KIF1A: variants seen among roughly 807,000 people sequenced by gnomAD.
KIF1A encodes the protein kinesin family member 1A, also known as kinesin-like protein KIF1A.
In KIF1A, 46 loss-of-function variants were observed where a neutral mutation model predicts 227.3. The ratio of observed to expected loss-of-function variants is 0.20; its 90% CI spans 0.16 to 0.26. The LOEUF is 0.26. Among genes scored for constraint, KIF1A ranks in the 10% least tolerant of loss-of-function variants. The pLI is 1.00. For missense variants in KIF1A, 1,683 were observed against 2,485.9 expected (o/e 0.68, Z 6.87); for synonymous variants, 1,022 against 1,012.8 (o/e 1.01, Z -0.17).
At chr2:240,748,986 T>C (rs552052814) in intron 28 of KIF1A, among the ~76,000 whole-genome samples, 2 of 152,194 alleles carry the variant, frequency 1.3e-5, no homozygotes, top group Non-Finnish European at 2.9e-5. Context: ...CTGGGCGTGA[T>C]GACGCACCCC....
In KIF1A at chr2:240,725,543, AC is replaced by A; in HGVS notation, c.4123-140del. The A allele has an allele frequency of 9.1e-6, 8 of 879,108 alleles. No homozygotes were observed. The highest frequency in any genetic ancestry group is 1.4e-5 in the Non-Finnish European group (8 of 588,030). 54.5% of individuals were successfully genotyped at this position (879,108 alleles called of 1,614,324 possible). On this transcript the variant is annotated intron_variant, in intron 39 of 48. Transcript: ENST00000498729. This position sits in a 1 kb window ranked among gnomAD's most constrained non-coding sequence, Gnocchi z 5.8. ...TCCCAGGGCCTCAGGTGTGGCCTGG[AC>A]GCAGGCAGGAGAAAGTCTCTGCTCC...
intron 45 of KIF1A, chr2:240,720,186 C>T (rs1166162205): frequency 3.1e-5 from 12 of 382,760 alleles, no homozygotes; most frequent in African/African-American, 1.7e-4. Context: ...GCCTGTGCCC[C>T]ACTCCACGCC....
At chr2:240,734,644 C>A in intron 38 of KIF1A, 2 of 1,111,944 alleles carry the variant, frequency 1.8e-6, no homozygotes, top group Non-Finnish European at 2.5e-6. Context: ...GCATGGGGGG[C>A]GGTCAGGGGA....
rs1218505717 is a variant in KIF1A, at chr2:240,739,191, A to G, written c.3901+867T>C. On this transcript the variant is annotated intron_variant, in intron 37 of 48. Transcript: ENST00000498729. This position sits in a 1 kb window ranked among gnomAD's most constrained non-coding sequence, Gnocchi z 5.6. ...CTCAGGGAAGTGACCTTGAGCAGCC[A>G]CCCAGCCCGGCCATGGCAATGTCTG... Among the ~76,000 whole-genome samples, 1 of 152,192 alleles carries G rather than the reference A, an allele frequency of 6.6e-6. No individual in the cohort carries two copies. The highest frequency in any genetic ancestry group is 1.5e-5 in the Non-Finnish European group (1 of 68,038).
intron 15 of KIF1A, 33 bp from the exon 16 acceptor site, chr2:240,769,739 G>T (rs749944716): frequency 6.3e-7 from 1 of 1,575,354 alleles, no homozygotes; most frequent in Non-Finnish European, 8.7e-7. Flanking sequence ...GTGAGCTGCC[G>T]GGGCTAGGGC....
chr2:240,745,602 G>A (rs1001263885), intron 31 of KIF1A, 85 bp from the exon 32 acceptor site: 163 of 1,470,576 alleles, frequency 1.1e-4, no homozygotes, highest in Admixed American at 1.7e-4. Flanking sequence ...ACACGAGGGC[G>A]CTGGGGCGTT....
chr2:240,722,492 C>T lies in KIF1A; in HGVS notation c.4629G>A (p.Glu1543=). 6.5e-7 allele frequency: 1 copy of T among 1,547,776 alleles called. No homozygotes were observed. The highest frequency in any genetic ancestry group is 8.7e-7 in the Non-Finnish European group (1 of 1,146,828). ...GCTCCCGCTGCCTCTCGTTGGGAGC[C>T]TCCAGGGGTGATGGGCGGCCCTCAG... ...LSAEGRPSPL[E]APNERQRELA... Residue 1543 remains glutamate (E), a synonymous_variant, in exon 43 of 49, where the codon GAG becomes GAA. Transcript: ENST00000498729.
At chr2:240,779,346 ACACTCAGTTCCT>A (rs796106218) in intron 10 of KIF1A, among the ~76,000 whole-genome samples, 20 of 138,186 alleles carry the variant, frequency 1.4e-4, no homozygotes, top group South Asian at 8.9e-4. Flanking sequence ...TCATAGTTCC[ACACTCAGTTCCT>A]CACTCAGTTC....
chr2:240,768,094 C>T (rs1056525898), intron 17 of KIF1A, among the ~76,000 whole-genome samples: 3 of 152,310 alleles, frequency 2.0e-5, no homozygotes, highest in African/African-American at 7.2e-5. Context: ...GGCCTGTGCA[C>T]GTCTCGTGAT....
chr2:240,787,267 ATGT>A lies in KIF1A; in HGVS notation c.410_412del (p.Asn137del), dbSNP rs2055060513. 1 of 1,612,894 alleles carries A rather than the reference ATGT, an allele frequency of 6.2e-7. No homozygotes were observed. Among genetic ancestry groups the A allele is most frequent in the South Asian group, 1.1e-5 (1 of 91,074 alleles). On this transcript the variant is annotated inframe_deletion, in exon 5 of 49. Transcript: ENST00000498729. Reference sequence around the variant, plus strand: ...GAGCCCTACCTCCACGGAGTAGGACATGTTGTCGTTGGTCGTGTCGTTGATCCG... The same window carrying A: ...GAGCCCTACCTCCACGGAGTAGGACATGTCGTTGGTCGTGTCGTTGATCCG...
rs367916394 is a variant in KIF1A, at chr2:240,801,746, C to T, written c.-60-3934G>A. Reference sequence around the variant, plus strand: ...GAGACACCCCTCAGCCCCTCCACCACGTGAGAGCAGGGCAAGAAGGCGTCT... The same window carrying T: ...GAGACACCCCTCAGCCCCTCCACCATGTGAGAGCAGGGCAAGAAGGCGTCT... On this transcript the variant is annotated intron_variant, in intron 1 of 48. Transcript: ENST00000498729. 9.9e-5 allele frequency among the ~76,000 whole-genome samples: 15 copies of T among 152,170 alleles called. No homozygotes were observed. The East Asian group carries it at 1.9e-3, about 20-fold the overall frequency.
At chr2:240,720,265 A>C in intron 45 of KIF1A, 3 of 211,360 alleles carry the variant, frequency 1.4e-5, no homozygotes, top group East Asian at 1.0e-4. Flanking sequence ...CTTCATCTCC[A>C]CAACTAGACT....
rs2055192478 is a variant in KIF1A, at chr2:240,788,204, C to T, written c.210G>A (p.Gln70=). The part of the protein sequence containing the change: ...TSPEDINYAS[Q]KQVYRDIGEE... Reference sequence around the variant, plus strand: ...CGCCGATGTCCCGGTACACCTGCTTCTGCGACGCGTAGTTGATGTCCTCAG... The same window carrying T: ...CGCCGATGTCCCGGTACACCTGCTTTTGCGACGCGTAGTTGATGTCCTCAG... The change falls in exon 4 of 49, where the codon CAG becomes CAA. Residue 70 remains glutamine (Q), a synonymous_variant. Transcript: ENST00000498729. This position sits in a 1 kb window ranked among gnomAD's most constrained non-coding sequence, Gnocchi z 6.6. The T allele has an allele frequency of 1.9e-6, 3 of 1,613,896 alleles. No individual in the cohort carries two copies. The highest frequency in any genetic ancestry group is 2.5e-6 in the Non-Finnish European group (3 of 1,179,884).
chr2:240,735,625 C>A (rs2047223534), intron 38 of KIF1A, among the ~76,000 whole-genome samples: 1 of 152,220 alleles, frequency 6.6e-6, no homozygotes, highest in South Asian at 2.1e-4. Flanking sequence ...GGGCCCCACC[C>A]CCTACTCCAA....
rs1290016793 is a variant in KIF1A, at chr2:240,783,751, G to C, written c.786C>G (p.Gly262=). The C allele has an allele frequency of 6.3e-7, 1 of 1,576,694 alleles. No homozygotes were observed. Among genetic ancestry groups the C allele is most frequent in the Non-Finnish European group, 8.6e-7 (1 of 1,161,250 alleles). The change falls in exon 8 of 49, where the codon GGC becomes GGG. Residue 262 remains glycine (G), a synonymous_variant. Coordinates refer to ENST00000498729, the MANE Select transcript of KIF1A (RefSeq NM_001244008.2). ...SERADSTGAK[G]TRLKEGANIN... is the part of the protein sequence containing the mutation. ...GCCTGGCCCCTACCTTGAGGCGCGTGCCCTTGGCTCCCGTGGAGTCAGCCC... is the reference window on the plus strand; with the variant it reads ...GCCTGGCCCCTACCTTGAGGCGCGTCCCCTTGGCTCCCGTGGAGTCAGCCC...
Position 240,740,232 on chromosome 2 carries a change from A to G in KIF1A, c.3816+66T>C. Reference sequence around the variant, plus strand: ...GGACACAGGCAGGGTAGGGGCAGGGAGAGGCTCACACCTGGTGGGGTGGGG... The same window carrying G: ...GGACACAGGCAGGGTAGGGGCAGGGGGAGGCTCACACCTGGTGGGGTGGGG... On this transcript the variant is annotated intron_variant, in intron 36 of 48. Coordinates refer to ENST00000498729, the MANE Select transcript of KIF1A (RefSeq NM_001244008.2). This position sits in a 1 kb window ranked among gnomAD's most constrained non-coding sequence, Gnocchi z 6.1. 1 of 1,526,280 alleles carries G rather than the reference A, an allele frequency of 6.6e-7. No individual in the cohort carries two copies. Among genetic ancestry groups the G allele is most frequent in the South Asian group, 1.1e-5 (1 of 87,990 alleles). 94.5% of individuals were successfully genotyped at this position (1,526,280 alleles called of 1,614,324 possible). A position where few individuals can be genotyped will look rare whatever the true frequency, so the allele number is the denominator to read the frequency against.
intron 20 of KIF1A, 41 bp downstream of exon 20, chr2:240,765,669 C>A (rs570999069): frequency 6.7e-7 from 1 of 1,499,506 alleles, no homozygotes; most frequent in East Asian, 2.3e-5. Context: ...TCGCCTCATG[C>A]CTCTGCCTAC....
chr2:240,716,850 G>GCTGTCCCTGCCCTGC lies in KIF1A; in HGVS notation c.*499_*513dup, dbSNP rs1387988166. The GCTGTCCCTGCCCTGC allele has an allele frequency of 6.5e-6, 1 of 153,320 alleles. No individual in the cohort carries two copies. The highest frequency in any genetic ancestry group is 1.9e-4 in the East Asian group (1 of 5,336). The allele number at this position is 153,320 out of a possible 1,614,324, so 9.5% of individuals were successfully genotyped here. On this transcript the variant is annotated 3_prime_UTR_variant, in exon 49 of 49. Transcript: ENST00000498729. ...CTCCTCACTGCGGCCTTCCAAGGTGGCTGTCCCTGCCCTGCCTGTCCCTAG... is the reference window on the plus strand; with the variant it reads ...CTCCTCACTGCGGCCTTCCAAGGTGGCTGTCCCTGCCCTGCCTGTCCCTGCCCTGCCTGTCCCTAG...
rs1254998124 is a variant in KIF1A at position 240,720,932 on chromosome 2, T to C, written c.4850A>G (p.Tyr1617Cys). 6.9e-6 allele frequency: 11 copies of C among 1,583,170 alleles called. No individual in the cohort carries two copies. The highest frequency in any genetic ancestry group is 9.4e-6 in the Non-Finnish European group (11 of 1,164,644). ...CACTCACCTCAGGTCAGTGGCACCG[T>C]ACCGCCCTTCAACCAGAGAGGGGCA... The part of the protein sequence containing the change: ...STCPSLVEGR[Y>C]GATDLRTPQP... The change falls in exon 45 of 49, where the codon TAC (tyrosine) becomes TGC (cysteine). Residue 1617 changes from tyrosine to cysteine, a missense_variant. Tyr to Cys is a radical substitution (Grantham distance 194). Coordinates refer to ENST00000498729, the MANE Select transcript of KIF1A (RefSeq NM_001244008.2).
Sources: gnomAD v4.1 joint callset for allele counts (sites outside exome capture counted in the v4.1 genomes callset) on GRCh38, gnomAD v4.1.1 for gene constraint, Gnocchi (gnomAD v3.1) non-coding constraint, MANE v1.5 for transcripts, NCBI Gene and HGNC (gene_info 2026-07-23, HGNC 2026-07-21) for gene names.